Variants in PTPRG observed in about 807,000 individuals in gnomAD.
The protein encoded by PTPRG is receptor-type tyrosine-protein phosphatase gamma.
PTPRG carries 102 observed loss-of-function variants against 165.3 expected under a neutral mutation model. The ratio of observed to expected loss-of-function variants is 0.62; its 90% CI spans 0.53 to 0.73. PTPRG has a LOEUF of 0.73. Ranked by LOEUF, PTPRG falls within the 30% of genes least tolerant of loss-of-function variation. The pLI is 0.00. For synonymous variants in PTPRG, 675 were observed against 669.5 expected, an observed-to-expected ratio of 1.01 and a Z score of -0.13; for missense variants, 1,866 against 1,861.4, an observed-to-expected ratio of 1.00 and a Z score of -0.05.
intron 28 of PTPRG, among the ~76,000 whole-genome samples, chr3:62,291,173 G>A (rs1057332173): frequency 3.9e-5 from 6 of 152,128 alleles, no homozygotes; most frequent in African/African-American, 1.4e-4. Context: ...ACCCTAGTAA[G>A]ATACAGTCTT....
At chr3:62,232,391 T>C (rs1236425294) in intron 14 of PTPRG, among the ~76,000 whole-genome samples, 5 of 152,242 alleles carry the variant, frequency 3.3e-5, no homozygotes, top group South Asian at 2.1e-4. Flanking sequence ...CTTTAATTTC[T>C]AATACATTTT....
intron 15 of PTPRG, among the ~76,000 whole-genome samples, chr3:62,248,415 T>C (rs1461167140): frequency 2.0e-5 from 3 of 152,180 alleles, no homozygotes; most frequent in Admixed American, 6.6e-5. Flanking sequence ...GGATAAAGCA[T>C]AATTGAATGC....
At chr3:61,946,882 A>T (rs1239541384) in intron 2 of PTPRG, among the ~76,000 whole-genome samples, 1 of 152,226 alleles carries the variant, frequency 6.6e-6, no homozygotes, top group Non-Finnish European at 1.5e-5. Flanking sequence ...TAACAAAATT[A>T]TTGAAAATCA....
At position 62,190,158 on chromosome 3, in the gene PTPRG, G is replaced by T. The variant is rs1699772584; in HGVS notation, c.1034-1311G>T. Among the ~76,000 whole-genome samples the T allele has an allele frequency of 6.6e-6, 1 of 152,154 alleles. No homozygotes were observed. The highest frequency in any genetic ancestry group is 2.4e-5 in the African/African-American group (1 of 41,426). ...GGAGGTTCTCAGCCGAAGGTGATTG[G>T]CCCCTGCAAGCAACCTTTGGCAACA... On this transcript the variant is annotated intron_variant, in intron 8 of 29. Transcript: ENST00000474889. The surrounding 1 kb of genome is among the most constrained non-coding windows in gnomAD (Gnocchi z 5.2).
At chr3:61,977,354 C>T (rs1041029647) in intron 2 of PTPRG, among the ~76,000 whole-genome samples, 8 of 152,048 alleles carry the variant, frequency 5.3e-5, no homozygotes, top group Admixed American at 3.3e-4. Flanking sequence ...CTCATGAGTT[C>T]TCTAATTGTG....
At chr3:62,093,070 CT>C (rs1404176929) in intron 5 of PTPRG, among the ~76,000 whole-genome samples, 5 of 152,208 alleles carry the variant, frequency 3.3e-5, no homozygotes, top group Non-Finnish European at 7.3e-5. Flanking sequence ...GGTTCCACCC[CT>C]GGGATTTAGA....
intron 2 of PTPRG, among the ~76,000 whole-genome samples, chr3:61,930,123 T>A (rs1049754900): frequency 2.0e-5 from 3 of 152,030 alleles, no homozygotes; most frequent in African/African-American, 7.2e-5. Context: ...GTATAAGTAT[T>A]TATAGAGAAA....
chr3:61,618,390 A>C (rs1701359284), intron 1 of PTPRG, among the ~76,000 whole-genome samples: 1 of 152,216 alleles, frequency 6.6e-6, no homozygotes, highest in Non-Finnish European at 1.5e-5. Context: ...TGTCCTGCTC[A>C]CATTTGAATT....
chr3:61,871,158 G>T (rs371006706), intron 2 of PTPRG, among the ~76,000 whole-genome samples: 1 of 127,490 alleles, frequency 7.8e-6, no homozygotes, highest in Non-Finnish European at 1.6e-5. Flanking sequence ...GTGTTGTGTT[G>T]TGTTGTGTTA....
At chr3:61,857,896 G>T (rs2037157204) in intron 2 of PTPRG, among the ~76,000 whole-genome samples, 1 of 151,984 alleles carries the variant, frequency 6.6e-6, no homozygotes. Context: ...TTGTTGTGGG[G>T]GCTCTCCTCT....
chr3:62,078,027 G>T, intron 4 of PTPRG, 136 bp from the exon 5 acceptor site: 1 of 590,952 alleles, frequency 1.7e-6, no homozygotes, highest in Non-Finnish European at 2.9e-6. Context: ...GTTAGCAAAG[G>T]AAAAATATGA....
chr3:61,614,036 G>A (rs1433952864), intron 1 of PTPRG, among the ~76,000 whole-genome samples: 1 of 152,174 alleles, frequency 6.6e-6, no homozygotes, highest in African/African-American at 2.4e-5. Context: ...TATGGTGGTA[G>A]CCCTCTAAGT....
chr3:61,738,265 T>G (rs1361504735), intron 1 of PTPRG, among the ~76,000 whole-genome samples: 6 of 74,230 alleles, frequency 8.1e-5, no homozygotes, highest in African/African-American at 1.1e-4. Context: ...TTTTTATATA[T>G]ATATATATAT....
At chr3:61,977,998 C>T (rs1318350252) in intron 2 of PTPRG, among the ~76,000 whole-genome samples, 1 of 152,162 alleles carries the variant, frequency 6.6e-6, no homozygotes, top group African/African-American at 2.4e-5. Context: ...ATTGCAGGCA[C>T]CTGCCACCAC....
intron 4 of PTPRG, among the ~76,000 whole-genome samples, chr3:62,018,133 A>G (rs2041596054): frequency 6.6e-6 from 1 of 152,190 alleles, no homozygotes; most frequent in Non-Finnish European, 1.5e-5. Context: ...TGGGAGTTTC[A>G]TAGTGAACAA....
intron 1 of PTPRG, among the ~76,000 whole-genome samples, chr3:61,620,090 G>A (rs993940216): frequency 1.3e-5 from 2 of 152,040 alleles, no homozygotes; most frequent in African/African-American, 4.8e-5. Context: ...CTAGTATTGA[G>A]TAGAATAATA....
chr3:61,682,291 C>T (rs535781240), intron 1 of PTPRG, among the ~76,000 whole-genome samples: 8 of 151,882 alleles, frequency 5.3e-5, no homozygotes, highest in African/African-American at 1.2e-4. Flanking sequence ...TGATTATATA[C>T]GAGAATGTCT....
At chr3:61,995,886 A>G (rs1374800743) in intron 3 of PTPRG, among the ~76,000 whole-genome samples, 2 of 151,636 alleles carry the variant, frequency 1.3e-5, no homozygotes, top group Admixed American at 6.6e-5. Flanking sequence ...TGGACTCGAT[A>G]TGTCTTTCTC....
intron 4 of PTPRG, among the ~76,000 whole-genome samples, chr3:62,028,413 A>G (rs1699645475): frequency 6.6e-6 from 1 of 152,248 alleles, no homozygotes; most frequent in Admixed American, 6.5e-5. Context: ...CAAACACATT[A>G]TGAAATGTGT....
Sources: allele counts gnomAD v4.1 joint callset (sites outside exome capture counted in the v4.1 genomes callset), GRCh38; gene constraint gnomAD v4.1.1; non-coding constraint Gnocchi (gnomAD v3.1); transcripts MANE v1.5; gene names NCBI Gene and HGNC (gene_info 2026-07-23, HGNC 2026-07-21).